The following KDM1B variants were observed in gnomAD, a reference collection of about 807,000 sequenced individuals.
KDM1B encodes the protein lysine demethylase 1B.
Under a neutral mutation model 107.4 loss-of-function variants are expected in KDM1B, and 63 were observed. The ratio of observed to expected loss-of-function variants is 0.59; its 90% CI spans 0.48 to 0.72. The LOEUF is 0.72. Among genes scored for constraint, KDM1B ranks in the 30% least tolerant of loss-of-function variants. The probability of loss-of-function intolerance (pLI) is 0.00; values close to 1 mark genes in which losing one functional copy is unlikely to be tolerated. For synonymous variants in KDM1B, 363 were observed against 363.9 expected, an observed-to-expected ratio of 1.00 and a Z score of 0.03; for missense variants, 749 against 1,020.8, an observed-to-expected ratio of 0.73 and a Z score of 3.63.
In KDM1B at chr6:18,222,269, G is replaced by A; in HGVS notation, c.*277G>A. 1.9e-6 allele frequency: 1 copy of A among 529,558 alleles called. No individual in the cohort carries two copies. The highest frequency in any genetic ancestry group is 3.6e-6 in the Non-Finnish European group (1 of 279,928). 32.8% of individuals were successfully genotyped at this position (529,558 alleles called of 1,614,324 possible). ...AAGCAGAATGTAAGTTTCAGTTGAG[G>A]CCATGGATTTGATTGTTCCATGGCT... On this transcript the variant is annotated 3_prime_UTR_variant, in exon 22 of 22. Coordinates refer to ENST00000650836, the MANE Select transcript of KDM1B (RefSeq NM_001364614.2).
At chr6:18,181,490 C>T (rs12209168) in intron 7 of KDM1B, among the ~76,000 whole-genome samples, 2,515 of 152,202 alleles carry the variant, frequency 0.017, 38 homozygotes, top group Non-Finnish European at 0.024. Context: ...ATCAGTTGGG[C>T]GCAGTGGCTC....
Position 18,203,208 on chromosome 6 carries a change from T to C in KDM1B, c.1531+1551T>C, listed in dbSNP as rs1005406700. On this transcript the variant is annotated intron_variant, in intron 14 of 21. Coordinates refer to ENST00000650836, the MANE Select transcript of KDM1B (RefSeq NM_001364614.2). This position sits in a 1 kb window ranked among gnomAD's most constrained non-coding sequence, Gnocchi z 5.5. ...GAGAGGATCGCTTAAGTCCAGGAGT[T>C]AGAGACTGTGGTGAGCTGTGATCTC... 3.9e-5 allele frequency among the ~76,000 whole-genome samples: 6 copies of C among 152,132 alleles called. No homozygotes were observed. The highest frequency in any genetic ancestry group is 8.8e-5 in the Non-Finnish European group (6 of 68,018).
chr6:18,184,273 C>CTTCTTTTTTTTTTTTT (rs1554144142), intron 7 of KDM1B, among the ~76,000 whole-genome samples: 1 of 116,672 alleles, frequency 8.6e-6, no homozygotes, highest in Non-Finnish European at 1.7e-5. Flanking sequence ...GTTCTAGCTT[C>CTTCTTTTTTTTTTTTT]TTTTTTTTTT....
chr6:18,217,503 C>T (rs1015644684), intron 20 of KDM1B, among the ~76,000 whole-genome samples: 12 of 151,770 alleles, frequency 7.9e-5, no homozygotes, highest in African/African-American at 2.7e-4. Context: ...CTCAGCCTCC[C>T]GAGTAGCTGG....
intron 10 of KDM1B, among the ~76,000 whole-genome samples, chr6:18,194,548 C>T (rs1319355411): frequency 3.3e-5 from 5 of 152,174 alleles, no homozygotes; most frequent in Non-Finnish European, 7.3e-5. Flanking sequence ...CTGGGCAAAC[C>T]TCCCTTTGTT....
intron 9 of KDM1B, among the ~76,000 whole-genome samples, chr6:18,189,357 A>T (rs1346275270): frequency 6.6e-6 from 1 of 152,304 alleles, no homozygotes; most frequent in East Asian, 1.9e-4. Context: ...TGTTAGGGAG[A>T]GTGTATGTTT....
chr6:18,189,991 T>A (rs1216135644), intron 9 of KDM1B, among the ~76,000 whole-genome samples: 1 of 151,056 alleles, frequency 6.6e-6, no homozygotes, highest in Non-Finnish European at 1.5e-5. Context: ...TAAAAAAAAA[T>A]ACACAAAAAA....
rs756970193 is a variant in KDM1B, at chr6:18,212,445, T to C, written c.1867-43T>C. The C allele has an allele frequency of 8.7e-7, 1 of 1,149,952 alleles. No homozygotes were observed. The highest frequency in any genetic ancestry group is 1.5e-5 in the African/African-American group (1 of 66,082). The allele number at this position is 1,149,952 out of a possible 1,614,324, so 71.2% of individuals were successfully genotyped here. On this transcript the variant is annotated intron_variant, in intron 17 of 21. Transcript: ENST00000650836. The surrounding 1 kb of genome is among the most constrained non-coding windows in gnomAD (Gnocchi z 5.2). ...ATACCAGTGTAGTGGTAGTGTGAGG[T>C]TCTGTTGCTGTTTGTTTGTTAACTG...
intron 10 of KDM1B, among the ~76,000 whole-genome samples, chr6:18,193,670 G>A (rs114494759): frequency 9.9e-5 from 15 of 152,192 alleles, no homozygotes; most frequent in African/African-American, 3.4e-4. Flanking sequence ...ATCCAAGCCA[G>A]TGTTGTATGT....
rs772534146 is a variant in KDM1B, at chr6:18,197,671, T to G, written c.1221+10T>G. 152 of 1,610,362 alleles carry G rather than the reference T, an allele frequency of 9.4e-5. No individual in the cohort carries two copies. Among genetic ancestry groups the G allele is most frequent in the Non-Finnish European group, 1.2e-4 (141 of 1,176,854 alleles). ...TAACTTTGGAATTAAGGTAGGATTTTGGGGACATGGAGTTAGAACAGATGG... is the reference window on the plus strand; with the variant it reads ...TAACTTTGGAATTAAGGTAGGATTTGGGGGACATGGAGTTAGAACAGATGG... On this transcript the variant is annotated intron_variant, in intron 12 of 21. Coordinates refer to ENST00000650836, the MANE Select transcript of KDM1B (RefSeq NM_001364614.2). This position sits in a 1 kb window ranked among gnomAD's most constrained non-coding sequence, Gnocchi z 4.5.
intron 2 of KDM1B, among the ~76,000 whole-genome samples, chr6:18,156,354 C>G (rs374894372): frequency 6.6e-6 from 1 of 152,188 alleles, no homozygotes; most frequent in African/African-American, 2.4e-5. Flanking sequence ...AAACCAGCCA[C>G]ATAGAAGTCC....
At chr6:18,175,184 C>T (rs1041600636) in intron 7 of KDM1B, among the ~76,000 whole-genome samples, 4 of 152,298 alleles carry the variant, frequency 2.6e-5, no homozygotes, top group South Asian at 2.1e-4. Context: ...GCCATTCTTG[C>T]AGGAGTAAGG....
intron 7 of KDM1B, among the ~76,000 whole-genome samples, chr6:18,174,694 C>G (rs2150842999): frequency 6.6e-6 from 1 of 152,104 alleles, no homozygotes; most frequent in South Asian, 2.1e-4. Flanking sequence ...TTCCACATAT[C>G]AGTGAGAACA....
Position 18,203,769 on chromosome 6 carries a change from C to G in KDM1B, c.1532-1768C>G, listed in dbSNP as rs1297064437. Among the ~76,000 whole-genome samples, 2 of 150,736 alleles carry G rather than the reference C, an allele frequency of 1.3e-5. No homozygotes were observed. Among genetic ancestry groups the G allele is most frequent in the Non-Finnish European group, 2.9e-5 (2 of 67,924 alleles). Reference sequence around the variant, plus strand: ...TTGGGATGCTGAGGCAGGAGAATCACTTGAACCTGGGAGGCAGAGGTTGCA... The same window carrying G: ...TTGGGATGCTGAGGCAGGAGAATCAGTTGAACCTGGGAGGCAGAGGTTGCA... On this transcript the variant is annotated intron_variant, in intron 14 of 21. Coordinates refer to ENST00000650836, the MANE Select transcript of KDM1B (RefSeq NM_001364614.2). This position sits in a 1 kb window ranked among gnomAD's most constrained non-coding sequence, Gnocchi z 5.5.
Position 18,166,251 on chromosome 6 carries a change from T to A in KDM1B, c.306-16T>A, listed in dbSNP as rs1478357683. On this transcript the variant is annotated splice_polypyrimidine_tract_variant and intron_variant, in intron 5 of 21. Transcript: ENST00000650836. ...TCGATATATTAATCGATATATTAAT[T>A]TTTCTTGTTTTTCAGCCATAAGGAT... 1.7e-6 allele frequency: 2 copies of A among 1,204,696 alleles called. No homozygotes were observed. Among genetic ancestry groups the A allele is most frequent in the Middle Eastern group, 3.8e-4 (2 of 5,282 alleles). 74.6% of individuals were successfully genotyped at this position (1,204,696 alleles called of 1,614,324 possible).
At chr6:18,199,976 T>C (rs1333372769) in intron 12 of KDM1B, among the ~76,000 whole-genome samples, 1 of 152,188 alleles carries the variant, frequency 6.6e-6, no homozygotes, top group East Asian at 1.9e-4. Context: ...CCTCCAGGGT[T>C]CAGGTGATTC....
Position 18,159,386 on chromosome 6 carries a change from A to G in KDM1B, c.-13-497A>G, listed in dbSNP as rs1294107623. On this transcript the variant is annotated intron_variant, in intron 2 of 21. Transcript: ENST00000650836. This position sits in a 1 kb window ranked among gnomAD's most constrained non-coding sequence, Gnocchi z 4.5. Reference sequence around the variant, plus strand: ...GTTTTCCTCATTGAATTTTATAAACATAGTGTGGTTTGTTTATTGGTCATT... The same window carrying G: ...GTTTTCCTCATTGAATTTTATAAACGTAGTGTGGTTTGTTTATTGGTCATT... Among the ~76,000 whole-genome samples, 3 of 152,236 alleles carry G rather than the reference A, an allele frequency of 2.0e-5. No homozygotes were observed. The highest frequency in any genetic ancestry group is 7.2e-5 in the African/African-American group (3 of 41,514).
intron 21 of KDM1B, among the ~76,000 whole-genome samples, chr6:18,218,873 A>C (rs1789448411): frequency 6.6e-6 from 1 of 151,378 alleles, no homozygotes; most frequent in Non-Finnish European, 1.5e-5. Context: ...CTCTAATTTA[A>C]ATTTAATTTA....
At chr6:18,210,314 T>A (rs1023157875) in intron 17 of KDM1B, among the ~76,000 whole-genome samples, 6 of 140,676 alleles carry the variant, frequency 4.3e-5, no homozygotes, top group African/African-American at 7.5e-5. Context: ...TACCCAAGGC[T>A]TTTCTTTCTT....
Sources: allele counts gnomAD v4.1 joint callset (sites outside exome capture counted in the v4.1 genomes callset), GRCh38; gene constraint gnomAD v4.1.1; non-coding constraint Gnocchi (gnomAD v3.1); transcripts MANE v1.5; gene names NCBI Gene and HGNC (gene_info 2026-07-23, HGNC 2026-07-21).